The following ZC3HC1 variants were observed in gnomAD, a reference collection of about 807,000 sequenced individuals.
The protein encoded by ZC3HC1 is zinc finger C3HC-type protein 1.
In ZC3HC1, 38 loss-of-function variants were observed where a neutral mutation model predicts 61.9. That is an observed-to-expected ratio of 0.61 (90% CI 0.47 to 0.81). The LOEUF (loss-of-function observed/expected upper bound fraction) is 0.81. Ranked by LOEUF, ZC3HC1 falls within the 30% of genes least tolerant of loss-of-function variation. ZC3HC1 has a pLI of 0.00. For synonymous variants in ZC3HC1, 213 were observed against 229.9 expected (o/e 0.93, Z 0.67); for missense variants, 554 against 622.7 (o/e 0.89, Z 1.17).
At chr7:130,043,829 G>A in intron 2 of ZC3HC1, 1 of 455,716 alleles carries the variant, frequency 2.2e-6, no homozygotes, top group Non-Finnish European at 4.4e-6. Context: ...AGAAAGGATG[G>A]CAGCATGGCA....
intron 3 of ZC3HC1, among the ~76,000 whole-genome samples, chr7:130,039,887 G>A (rs1794577916): frequency 6.6e-6 from 1 of 151,234 alleles, no homozygotes; most frequent in Non-Finnish European, 1.5e-5. Context: ...CCTGAGTAGT[G>A]TTTTGTATTT....
At chr7:130,040,879 T>A (rs191911347) in intron 3 of ZC3HC1, 72 bp downstream of exon 3, 3 of 1,447,154 alleles carry the variant, frequency 2.1e-6, no homozygotes, top group East Asian at 4.8e-5. Context: ...ATGACCTTTT[T>A]TCCCCCCCCA....
chr7:130,023,195 G>A lies in ZC3HC1; in HGVS notation c.1233+316C>T, dbSNP rs1563073779. The A allele has an allele frequency of 2.9e-6, 1 of 350,538 alleles. No homozygotes were observed. Among genetic ancestry groups the A allele is most frequent in the Admixed American group, 4.4e-5 (1 of 22,592 alleles). The allele number at this position is 350,538 out of a possible 1,614,324, so 21.7% of individuals were successfully genotyped here. A position where few individuals can be genotyped will look rare whatever the true frequency, so the allele number is the denominator to read the frequency against. On this transcript the variant is annotated intron_variant, in intron 8 of 9. Transcript: ENST00000358303. This position sits in a 1 kb window ranked among gnomAD's most constrained non-coding sequence, Gnocchi z 4.2. ...TCCCAACCGTGGTCCGTGGAAAAAT[G>A]GTCTTCCATGAAAACGGTCCCTGGT...
At chr7:130,031,318 C>A (rs1319041336) in intron 4 of ZC3HC1, among the ~76,000 whole-genome samples, 2 of 102,298 alleles carry the variant, frequency 2.0e-5, no homozygotes, top group African/African-American at 6.2e-5. Flanking sequence ...GAGCAAAACT[C>A]CATCTCAAAA....
chr7:130,038,461 T>C lies in ZC3HC1; in HGVS notation c.493+1003A>G, dbSNP rs944104413. Among the ~76,000 whole-genome samples, 11 of 152,132 alleles carry C rather than the reference T, an allele frequency of 7.2e-5. No individual in the cohort carries two copies. In the East Asian group the frequency reaches 2.1e-3, roughly 29 times the overall value. On this transcript the variant is annotated intron_variant, in intron 4 of 9. Coordinates refer to ENST00000358303, the MANE Select transcript of ZC3HC1 (RefSeq NM_016478.5). ...AACCTAGGTAGAACATGGCATTGCT[T>C]GGTGTGGTGGGAAAAGCGGAGGGTT...
intron 8 of ZC3HC1, 98 bp from the exon 9 acceptor site, chr7:130,022,623 C>T: frequency 1.6e-6 from 2 of 1,265,448 alleles, no homozygotes; most frequent in Non-Finnish European, 2.2e-6. Flanking sequence ...CTCACAACTA[C>T]CCATACTTCG....
At chr7:130,020,779 T>C (rs143473557) in intron 9 of ZC3HC1, among the ~76,000 whole-genome samples, 2 of 151,534 alleles carry the variant, frequency 1.3e-5, no homozygotes, top group African/African-American at 2.4e-5. Context: ...CAGAGAGGAG[T>C]CTTACTGAAA....
intron 3 of ZC3HC1, among the ~76,000 whole-genome samples, chr7:130,040,015 C>T (rs989029851): frequency 3.3e-5 from 5 of 151,294 alleles, no homozygotes; most frequent in African/African-American, 2.4e-5. Context: ...CCACTGCGCC[C>T]GGCCCCCATG....
At chr7:130,025,106 A>C (rs1793840446) in intron 6 of ZC3HC1, among the ~76,000 whole-genome samples, 1 of 143,410 alleles carries the variant, frequency 7.0e-6, no homozygotes, top group Non-Finnish European at 1.5e-5. Flanking sequence ...GGGTTTCACC[A>C]TGTTGGCCAG....
At chr7:130,022,229 C>CA in intron 9 of ZC3HC1, 90 bp downstream of exon 9, 1 of 1,503,636 alleles carries the variant, frequency 6.7e-7, no homozygotes, top group Non-Finnish European at 9.2e-7. Context: ...AAGCTGAAGG[C>CA]AGGCGGGGTG....
At chr7:130,042,974 C>T (rs115637928) in intron 2 of ZC3HC1, among the ~76,000 whole-genome samples, 3,915 of 152,270 alleles carry the variant, frequency 0.026, 145 homozygotes, top group African/African-American at 0.088. Context: ...TATGAGCCAC[C>T]TCGCCCAGCT....
chr7:130,042,145 A>G (rs1794703319), intron 2 of ZC3HC1, among the ~76,000 whole-genome samples: 1 of 151,818 alleles, frequency 6.6e-6, no homozygotes, highest in Non-Finnish European at 1.5e-5. Context: ...TCTATTGAAA[A>G]TCAAAAAATT....
intron 5 of ZC3HC1, 88 bp downstream of exon 5, chr7:130,028,814 T>C: frequency 6.6e-7 from 1 of 1,519,506 alleles, no homozygotes; most frequent in South Asian, 1.3e-5. Flanking sequence ...TCACAGCAAT[T>C]GCATCTTCTT....
Position 130,022,512 on chromosome 7 carries a change from C to G in ZC3HC1, c.1247G>C (p.Arg416Pro). The change falls in exon 9 of 10, where the codon CGA (arginine) becomes CCA (proline). Residue 416 changes from arginine to proline, a missense_variant. By Grantham distance (103) the Arg-to-Pro change is moderately radical (BLOSUM62 -2). Transcript: ENST00000358303. ...CSSSSSDTSS[R>P]SFFDPTSQHR... ...CTGAGAGGTGGGATCAAAGAAGCTT[C>G]GGGAAGATGTGTCCTGAGGAAGGAG... is the stretch of plus-strand genomic sequence containing the variant. 6.2e-7 allele frequency: 1 copy of G among 1,613,846 alleles called. No individual in the cohort carries two copies. The highest frequency in any genetic ancestry group is 8.5e-7 in the Non-Finnish European group (1 of 1,179,916).
rs576933871 is a variant in ZC3HC1, at chr7:130,050,238, C to T, written c.146+983G>A. Among the ~76,000 whole-genome samples, 3 of 152,148 alleles carry T rather than the reference C, an allele frequency of 2.0e-5. No individual in the cohort carries two copies. The East Asian group carries it at 5.8e-4, about 29-fold the overall frequency. ...GACTACAGGCGCGGGCCACCACGCCCGGCTAATTTTTTGTATTTTTAGTAG... is the reference window on the plus strand; with the variant it reads ...GACTACAGGCGCGGGCCACCACGCCTGGCTAATTTTTTGTATTTTTAGTAG... On this transcript the variant is annotated intron_variant, in intron 1 of 9. Coordinates refer to ENST00000358303, the MANE Select transcript of ZC3HC1 (RefSeq NM_016478.5).
chr7:130,048,609 T>G (rs1794956537), intron 2 of ZC3HC1, among the ~76,000 whole-genome samples: 1 of 152,136 alleles, frequency 6.6e-6, no homozygotes, highest in South Asian at 2.1e-4. Flanking sequence ...TCTCTAATAA[T>G]CTAAAAAACA....
intron 4 of ZC3HC1, among the ~76,000 whole-genome samples, chr7:130,035,287 G>A (rs1419471733): frequency 6.6e-6 from 1 of 151,726 alleles, no homozygotes; most frequent in African/African-American, 2.4e-5. Context: ...GGTACTCGGG[G>A]GTGCTGAGGC....
In ZC3HC1 at chr7:130,020,018, T is replaced by C. The variant is rs71583755; in HGVS notation, c.1441-1286A>G. On this transcript the variant is annotated intron_variant, in intron 9 of 9. Coordinates refer to ENST00000358303, the MANE Select transcript of ZC3HC1 (RefSeq NM_016478.5). ...TTTTAGTAGAGATGGAGTTTCACCA[T>C]GTTGGCCAGGATGGTCTTGATCTCC... Among the ~76,000 whole-genome samples the C allele has an allele frequency of 5.3e-3, 811 of 151,932 alleles. 3 individuals carry two copies. Among genetic ancestry groups the C allele is most frequent in the Middle Eastern group, 0.01 (3 of 294 alleles).
intron 2 of ZC3HC1, chr7:130,043,925 A>G: frequency 2.3e-6 from 1 of 440,444 alleles, no homozygotes; most frequent in South Asian, 1.6e-5. Context: ...AGTGTTGAAT[A>G]TGGGAGGGAA....
Sources: gnomAD v4.1 joint callset for allele counts (sites outside exome capture counted in the v4.1 genomes callset) on GRCh38, gnomAD v4.1.1 for gene constraint, Gnocchi (gnomAD v3.1) non-coding constraint, MANE v1.5 for transcripts, NCBI Gene and HGNC (gene_info 2026-07-23, HGNC 2026-07-21) for gene names.